The following TAGLN2 variants were observed in gnomAD, a reference collection of about 807,000 sequenced individuals.
The protein encoded by TAGLN2 is transgelin 2, also known as transgelin-2.
In TAGLN2, 14 loss-of-function variants were observed where a neutral mutation model predicts 24.9. The ratio of observed to expected loss-of-function variants is 0.56; its 90% confidence interval spans 0.37 to 0.88. The LOEUF (loss-of-function observed/expected upper bound fraction) is 0.88. Ranked by LOEUF, TAGLN2 falls within the 40% of genes least tolerant of loss-of-function variation. The pLI, the probability that TAGLN2 is intolerant of heterozygous loss-of-function variation, is 0.00. For missense variants in TAGLN2, 208 were observed against 258.9 expected (o/e 0.80, Z 1.35); for synonymous variants, 77 against 98.2 (o/e 0.78, Z 1.28).
intron 1 of TAGLN2, chr1:159,923,842 G>A: frequency 4.4e-6 from 1 of 224,882 alleles, no homozygotes; most frequent in Non-Finnish European, 8.8e-6. Flanking sequence ...GTTGGAGGCT[G>A]GGTGGGGGCT....
chr1:159,918,663 A>C lies in TAGLN2; in HGVS notation c.*137T>G. On this transcript the variant is annotated 3_prime_UTR_variant, in exon 5 of 5. Coordinates refer to ENST00000368097, the MANE Select transcript of TAGLN2 (RefSeq NM_003564.3). ...TGCCAGCAGGCACCTCAGAGGTGAC[A>C]GGACAGGCTGAACCCCCCACCCTGA... The C allele has an allele frequency of 8.1e-7, 1 of 1,237,562 alleles. No individual in the cohort carries two copies. Among genetic ancestry groups the C allele is most frequent in the South Asian group, 1.5e-5 (1 of 68,856 alleles). 76.7% of individuals were successfully genotyped at this position (1,237,562 alleles called of 1,614,324 possible). A position where few individuals can be genotyped will look rare whatever the true frequency, so the allele number is the denominator to read the frequency against.
Position 159,920,621 on chromosome 1 carries a change from A to G in TAGLN2, c.-28-84T>C, listed in dbSNP as rs550416955. 62 of 1,512,290 alleles carry G rather than the reference A, an allele frequency of 4.1e-5. No homozygotes were observed. The African/African-American group carries it at 6.8e-4, about 17-fold the overall frequency. The allele number at this position is 1,512,290 out of a possible 1,614,324, so 93.7% of individuals were successfully genotyped here. A position where few individuals can be genotyped will look rare whatever the true frequency, so the allele number is the denominator to read the frequency against. ...ATTCAGGAATTCTGCCTGCAGGGAT[A>G]TACACCATTTCCCCCACGGTGAGCC... On this transcript the variant is annotated intron_variant, in intron 1 of 4. Coordinates refer to ENST00000368097, the MANE Select transcript of TAGLN2 (RefSeq NM_003564.3).
At chr1:159,922,588 G>A (rs1650567958) in intron 1 of TAGLN2, among the ~76,000 whole-genome samples, 1 of 152,172 alleles carries the variant, frequency 6.6e-6, no homozygotes, top group Non-Finnish European at 1.5e-5. Flanking sequence ...AGAGGAAGGG[G>A]CTAAGAGCTA....
chr1:159,924,136 A>T (rs1167783688), intron 1 of TAGLN2, among the ~76,000 whole-genome samples: 2 of 151,904 alleles, frequency 1.3e-5, no homozygotes, highest in Non-Finnish European at 2.9e-5. Flanking sequence ...TGGAGGGAGA[A>T]GGGATGGAAT....
rs1650680151 is a variant in TAGLN2 at position 159,925,498 on chromosome 1, A to C, written c.-77T>G. The stretch of plus-strand genomic sequence containing the variant: ...CGCACTGACTCAAGGCAAGGGCTGC[A>C]GCTGCAAGTGGTGCGCCCTGCCCAG... On this transcript the variant is annotated 5_prime_UTR_variant, in exon 1 of 5. Transcript: ENST00000368097. 6.6e-6 allele frequency: 1 copy of C among 152,258 alleles called. No homozygotes were observed. Among genetic ancestry groups the C allele is most frequent in the African/African-American group, 2.4e-5 (1 of 41,464 alleles). 9.4% of individuals were successfully genotyped at this position (152,258 alleles called of 1,614,324 possible). A position where few individuals can be genotyped will look rare whatever the true frequency, so the allele number is the denominator to read the frequency against.
chr1:159,923,464 C>T (rs536296341), intron 1 of TAGLN2: 33 of 1,549,726 alleles, frequency 2.1e-5, no homozygotes, highest in Admixed American at 1.4e-4. Flanking sequence ...AAAGAAAAGG[C>T]GGACATGGGT....
intron 1 of TAGLN2, 120 bp downstream of exon 1, chr1:159,925,330 A>C (rs1245982572): frequency 6.6e-6 from 1 of 151,904 alleles, no homozygotes; most frequent in Non-Finnish European, 1.5e-5. Context: ...TAGTCACCGG[A>C]CCCTTGCCTG....
intron 2 of TAGLN2, 89 bp downstream of exon 2, chr1:159,920,241 C>T (rs771190638): frequency 6.2e-7 from 1 of 1,602,836 alleles, no homozygotes; most frequent in Non-Finnish European, 8.5e-7. Flanking sequence ...TGCCTTCAGT[C>T]TTCTCCTCTT....
chr1:159,918,751 A>G lies in TAGLN2; in HGVS notation c.*49T>C. 1 of 1,593,690 alleles carries G rather than the reference A, an allele frequency of 6.3e-7. No homozygotes were observed. The highest frequency in any genetic ancestry group is 8.5e-7 in the Non-Finnish European group (1 of 1,169,610). On this transcript the variant is annotated 3_prime_UTR_variant, in exon 5 of 5. Coordinates refer to ENST00000368097, the MANE Select transcript of TAGLN2 (RefSeq NM_003564.3). ...TGTCACTGCTAAAATATATATCTAC[A>G]TATATATTAACCATTCGTGGGAGGG...
In TAGLN2 at chr1:159,920,478, C is replaced by G. The variant is rs1650493865; in HGVS notation, c.32G>C (p.Ser11Thr). The G allele has an allele frequency of 5.0e-6, 8 of 1,614,152 alleles. No homozygotes were observed. The South Asian group carries it at 8.8e-5, about 18-fold the overall frequency. MANRGPAYGL[S>T]REVQQKIEKQ... ...CTCAATCTTCTGCTGCACCTCCCGG[C>G]TCAGGCCATATGCAGGTCCCCTGTT... Residue 11 changes from serine to threonine, a missense_variant, in exon 2 of 5, where the codon AGC (serine) becomes ACC (threonine). By Grantham distance (58) the Ser-to-Thr change is moderately conservative (BLOSUM62 1). Transcript: ENST00000368097.
chr1:159,919,893 C>T (rs1192469341), intron 2 of TAGLN2, 58 bp from the exon 3 acceptor site: 26 of 1,574,610 alleles, frequency 1.7e-5, no homozygotes, highest in Non-Finnish European at 2.2e-5. Flanking sequence ...CGCAGCTCAG[C>T]GTGCACCACC....
chr1:159,920,022 G>T, intron 2 of TAGLN2, 187 bp from the exon 3 acceptor site: 1 of 774,810 alleles, frequency 1.3e-6, no homozygotes, highest in Non-Finnish European at 2.2e-6. Context: ...CGAGCCCAGA[G>T]TGAAAAGCCA....
rs1337124522 is a variant in TAGLN2 at position 159,920,445 on chromosome 1, T to C, written c.65A>G (p.Tyr22Cys). The C allele has an allele frequency of 6.2e-7, 1 of 1,614,212 alleles. No individual in the cohort carries two copies. The highest frequency in any genetic ancestry group is 8.5e-7 in the Non-Finnish European group (1 of 1,180,008). The change falls in exon 2 of 5, where the codon TAT (tyrosine) becomes TGT (cysteine). Residue 22 changes from tyrosine to cysteine, a missense_variant. Transcript: ENST00000368097. ...CAGGATCTGCTCCAGATCTGCATCA[T>C]ATTGTTTCTCAATCTTCTGCTGCAC... is the stretch of plus-strand genomic sequence containing the variant. ...REVQQKIEKQ[Y>C]DADLEQILIQ...
At position 159,918,724 on chromosome 1, in the gene TAGLN2, A is replaced by C; in HGVS notation, c.*76T>G. The stretch of plus-strand genomic sequence containing the variant: ...CTTGAGAGCTCTGGGGCTCTCTGGG[A>C]ATGTCACTGCTAAAATATATATCTA... On this transcript the variant is annotated 3_prime_UTR_variant, in exon 5 of 5. Coordinates refer to ENST00000368097, the MANE Select transcript of TAGLN2 (RefSeq NM_003564.3). 6.5e-7 allele frequency: 1 copy of C among 1,545,462 alleles called. No individual in the cohort carries two copies. The highest frequency in any genetic ancestry group is 1.2e-5 in the South Asian group (1 of 80,952).
chr1:159,923,439 ACCAAAG>A (rs561646481), intron 1 of TAGLN2: 2 of 1,550,144 alleles, frequency 1.3e-6, no homozygotes, highest in Non-Finnish European at 1.7e-6. Context: ...AGCTTACCTC[ACCAAAG>A]CCAAAGCCAA....
rs1162400518 is a variant in TAGLN2, at chr1:159,919,967, T to C, written c.181-132A>G. ...TTGCCTGAAGACAGCTTGGACTCTTTCACTAGAGTAAGCCTCACAGTCCTT... is the reference window on the plus strand; with the variant it reads ...TTGCCTGAAGACAGCTTGGACTCTTCCACTAGAGTAAGCCTCACAGTCCTT... On this transcript the variant is annotated intron_variant, in intron 2 of 4. Coordinates refer to ENST00000368097, the MANE Select transcript of TAGLN2 (RefSeq NM_003564.3). 3.9e-5 allele frequency: 40 copies of C among 1,023,880 alleles called. No individual in the cohort carries two copies. The Admixed American group carries it at 5.4e-4, about 14-fold the overall frequency. The allele number at this position is 1,023,880 out of a possible 1,614,324, so 63.4% of individuals were successfully genotyped here. A position where few individuals can be genotyped will look rare whatever the true frequency, so the allele number is the denominator to read the frequency against.
chr1:159,923,539 C>T, intron 1 of TAGLN2: 1 of 1,490,064 alleles, frequency 6.7e-7, no homozygotes, highest in South Asian at 1.2e-5. Context: ...AGGGACTCTC[C>T]ATCCACCGTG....
At position 159,920,401 on chromosome 1, in the gene TAGLN2, G is replaced by GGGT. The variant is rs757155886; in HGVS notation, c.106_108dup (p.Thr36dup). The stretch of plus-strand genomic sequence containing the variant: ...GGCCGGCCCACATCCTTTCGGCACT[G>GGGT]GGTGGTGATCCACTGGATCAGGATC... On this transcript the variant is annotated inframe_insertion, in exon 2 of 5. Transcript: ENST00000368097. 1 of 1,614,136 alleles carries GGGT rather than the reference G, an allele frequency of 6.2e-7. No homozygotes were observed. The highest frequency in any genetic ancestry group is 1.7e-5 in the Admixed American group (1 of 60,030).
chr1:159,923,903 G>C (rs1160666740), intron 1 of TAGLN2, among the ~76,000 whole-genome samples: 2 of 152,216 alleles, frequency 1.3e-5, no homozygotes, highest in African/African-American at 2.4e-5. Context: ...CAGGCTGTGA[G>C]CACGGGAGCA....
Sources: gnomAD v4.1 joint callset for allele counts (sites outside exome capture counted in the v4.1 genomes callset) on GRCh38, gnomAD v4.1.1 for gene constraint, MANE v1.5 for transcripts, NCBI Gene and HGNC (gene_info 2026-07-23, HGNC 2026-07-21) for gene names.